The following ZNF407 variants were observed in gnomAD, a reference collection of about 807,000 sequenced individuals.
The protein encoded by ZNF407 is zinc finger protein 407.
A neutral mutation model predicts 131.2 loss-of-function variants in ZNF407; 17 were observed. The ratio of observed to expected loss-of-function variants is 0.13; its 90% confidence interval spans 0.09 to 0.19. The LOEUF (loss-of-function observed/expected upper bound fraction) is 0.19, where lower values mean the gene tolerates loss of function less well. ZNF407 is among the 10% of genes least tolerant of loss of function. The probability of loss-of-function intolerance (pLI) is 1.00; values close to 1 mark genes in which losing one functional copy is unlikely to be tolerated. For synonymous variants in ZNF407, 1,156 were observed against 1,062.0 expected (o/e 1.09, Z -1.72); for missense variants, 2,681 against 2,830.6 (o/e 0.95, Z 1.20).
chr18:74,911,900 G>T (rs17055910), intron 7 of ZNF407, among the ~76,000 whole-genome samples: 16,219 of 152,220 alleles, frequency 0.11, 1,133 homozygotes, highest in Middle Eastern at 0.22. Context: ...GTGGGTTGCG[G>T]GAATGAGAAT....
chr18:74,910,497 T>C (rs1354105252), intron 7 of ZNF407, among the ~76,000 whole-genome samples: 1 of 152,168 alleles, frequency 6.6e-6, no homozygotes, highest in Non-Finnish European at 1.5e-5. Flanking sequence ...TATTTAAGTA[T>C]ATATGACTTA....
intron 8 of ZNF407, among the ~76,000 whole-genome samples, chr18:74,947,808 G>C (rs544720101): frequency 6.6e-6 from 1 of 152,318 alleles, no homozygotes; most frequent in South Asian, 2.1e-4. Flanking sequence ...GTCTTTCAAA[G>C]AACAGTGGGC....
At chr18:74,814,184 A>G (rs1461717892) in intron 4 of ZNF407, among the ~76,000 whole-genome samples, 2 of 152,174 alleles carry the variant, frequency 1.3e-5, no homozygotes, top group Non-Finnish European at 2.9e-5. Flanking sequence ...TGCCCAAGCC[A>G]GAGTATAGTG....
chr18:74,962,524 A>C (rs1000546958), intron 8 of ZNF407, among the ~76,000 whole-genome samples: 3 of 152,118 alleles, frequency 2.0e-5, no homozygotes, highest in African/African-American at 7.2e-5. Flanking sequence ...GCCCTTTGTG[A>C]ACTGACCCCC....
intron 1 of ZNF407, among the ~76,000 whole-genome samples, chr18:74,619,653 C>A (rs1188889480): frequency 6.6e-6 from 1 of 151,914 alleles, no homozygotes; most frequent in Admixed American, 6.6e-5. Context: ...GTGAATAGAC[C>A]GTTTAAACTA....
rs941875227 is a variant in ZNF407, at chr18:74,740,259, G to A, written c.4803-41169G>A. 4.6e-5 allele frequency among the ~76,000 whole-genome samples: 7 copies of A among 152,140 alleles called. No individual in the cohort carries two copies. In the East Asian group the frequency reaches 1.4e-3, roughly 29 times the overall value. On this transcript the variant is annotated intron_variant, in intron 3 of 8. Coordinates refer to ENST00000299687, the MANE Select transcript of ZNF407 (RefSeq NM_017757.3). The stretch of plus-strand genomic sequence containing the variant: ...CCGCTTCTTTGCCATCTCCTCTGAC[G>A]TCTCTATCAAATTTCAGTCTGCCTC...
At chr18:74,998,584 A>G (rs1252498621) in intron 8 of ZNF407, among the ~76,000 whole-genome samples, 1 of 151,822 alleles carries the variant, frequency 6.6e-6, no homozygotes, top group East Asian at 1.9e-4. Context: ...GCAGCCAAAA[A>G]ACACATGAAG....
chr18:74,887,644 G>A (rs772450081), intron 6 of ZNF407, among the ~76,000 whole-genome samples: 18 of 152,094 alleles, frequency 1.2e-4, no homozygotes, highest in Non-Finnish European at 7.4e-5. Flanking sequence ...TGGCAGAGAC[G>A]TGTTGACAAT....
intron 4 of ZNF407, among the ~76,000 whole-genome samples, chr18:74,815,665 G>A (rs569601371): frequency 7.6e-4 from 115 of 152,198 alleles, no homozygotes; most frequent in African/African-American, 2.7e-3. Context: ...TTACAGAAAA[G>A]CTTCAGTAAC....
At chr18:75,062,271 G>A (rs2122294737) in intron 8 of ZNF407, 1 of 152,350 alleles carries the variant, frequency 6.6e-6, no homozygotes, top group South Asian at 2.1e-4. Flanking sequence ...ATTCTTTCCT[G>A]AATGTATGGC....
chr18:74,799,651 T>C (rs962396364), intron 4 of ZNF407, among the ~76,000 whole-genome samples: 12 of 152,058 alleles, frequency 7.9e-5, no homozygotes, highest in African/African-American at 2.9e-4. Flanking sequence ...TCATTTGCAA[T>C]AGGTAGAGAC....
chr18:74,917,047 G>C (rs1004393834), intron 7 of ZNF407, among the ~76,000 whole-genome samples: 14 of 152,130 alleles, frequency 9.2e-5, no homozygotes, highest in Non-Finnish European at 1.8e-4. Context: ...GGTGACAACG[G>C]CACGAGAGTT....
chr18:74,633,013 C>G lies in ZNF407; in HGVS notation c.1994C>G (p.Thr665Ser). The change falls in exon 2 of 9, where the codon ACT becomes AGT. Residue 665 changes from threonine to serine, a missense_variant. Physicochemically the swap from Thr to Ser is moderately conservative, Grantham distance 58. Around this residue, in one of 6 missense-constraint regions of ZNF407, gnomAD observed 1,789 missense variants for 1,748.7 expected, o/e 1.02. Coordinates refer to ENST00000299687, the MANE Select transcript of ZNF407 (RefSeq NM_017757.3). ...GTTTTACAGACTTTACCTTTGAGTACTTTAGAATCAGAAAACGCAAAAGAG... is the reference window on the plus strand; with the variant it reads ...GTTTTACAGACTTTACCTTTGAGTAGTTTAGAATCAGAAAACGCAAAAGAG... ...DLVLQTLPLS[T>S]LESENAKESM... The G allele has an allele frequency of 1.2e-6, 2 of 1,613,654 alleles. No individual in the cohort carries two copies. Among genetic ancestry groups the G allele is most frequent in the South Asian group, 2.2e-5 (2 of 91,082 alleles).
intron 7 of ZNF407, among the ~76,000 whole-genome samples, chr18:74,917,047 G>T (rs1004393834): frequency 6.6e-6 from 1 of 152,130 alleles, no homozygotes; most frequent in Admixed American, 6.5e-5. Context: ...GGTGACAACG[G>T]CACGAGAGTT....
intron 4 of ZNF407, among the ~76,000 whole-genome samples, chr18:74,843,020 T>C (rs1970655539): frequency 6.6e-6 from 1 of 152,170 alleles, no homozygotes; most frequent in South Asian, 2.1e-4. Flanking sequence ...CTGGCCCTTC[T>C]GTGTTATTTA....
intron 8 of ZNF407, among the ~76,000 whole-genome samples, chr18:75,011,649 C>G (rs981328416): frequency 1.3e-5 from 2 of 151,942 alleles, no homozygotes; most frequent in Admixed American, 1.3e-4. Context: ...TTTTGTTGAA[C>G]AAAAGAATGA....
intron 8 of ZNF407, among the ~76,000 whole-genome samples, chr18:74,980,561 C>T (rs1335453751): frequency 6.6e-6 from 1 of 152,140 alleles, no homozygotes; most frequent in Non-Finnish European, 1.5e-5. Context: ...CCCGCCTCGG[C>T]CTCCTAAAGT....
chr18:74,738,512 G>C (rs1252939684), intron 3 of ZNF407, among the ~76,000 whole-genome samples: 1 of 145,140 alleles, frequency 6.9e-6, no homozygotes, highest in Non-Finnish European at 1.5e-5. Context: ...GGCCAAGGCG[G>C]GTGGATCACG....
intron 3 of ZNF407, among the ~76,000 whole-genome samples, chr18:74,700,775 T>G (rs1468230740): frequency 6.6e-6 from 1 of 152,206 alleles, no homozygotes; most frequent in African/African-American, 2.4e-5. Flanking sequence ...GAGTTTAGCC[T>G]TGGTCATCTT....
Sources: gnomAD v4.1 joint callset for allele counts (sites outside exome capture counted in the v4.1 genomes callset) on GRCh38, gnomAD v4.1.1 for gene constraint, gnomAD v4.1.1 regional missense constraint, MANE v1.5 for transcripts, NCBI Gene and HGNC (gene_info 2026-07-23, HGNC 2026-07-21) for gene names.